Variants in CCDC178 observed in about 807,000 individuals in gnomAD.
CCDC178 encodes the protein coiled-coil domain containing 178.
CCDC178 carries 126 observed loss-of-function variants against 117.4 expected under a neutral mutation model. The ratio of observed to expected loss-of-function variants is 1.07; its 90% CI spans 0.93 to 1.24. The LOEUF (loss-of-function observed/expected upper bound fraction) is 1.24. CCDC178 is among the 50% of genes most tolerant of loss of function. The pLI is 0.00. For synonymous variants in CCDC178, 283 were observed against 313.4 expected (o/e 0.90, Z 1.02); for missense variants, 1,030 against 986.9 (o/e 1.04, Z -0.59).
At chr18:33,320,439 T>C (rs2062490211) in intron 11 of CCDC178, among the ~76,000 whole-genome samples, 1 of 152,256 alleles carries the variant, frequency 6.6e-6, no homozygotes, top group African/African-American at 2.4e-5. Flanking sequence ...AGCATTCTTA[T>C]ACACCAATAA....
At chr18:33,175,341 T>A (rs1237195181) in intron 20 of CCDC178, among the ~76,000 whole-genome samples, 2 of 152,188 alleles carry the variant, frequency 1.3e-5, no homozygotes, top group African/African-American at 2.4e-5. Context: ...CCTTTTAACA[T>A]TTTTTTCTAG....
intron 20 of CCDC178, among the ~76,000 whole-genome samples, chr18:33,184,830 A>G (rs2058771976): frequency 6.6e-6 from 1 of 152,072 alleles, no homozygotes. Context: ...CAAAATTTTA[A>G]AAAACTGACA....
intron 21 of CCDC178, among the ~76,000 whole-genome samples, chr18:33,079,368 C>G (rs2057262011): frequency 6.6e-6 from 1 of 152,130 alleles, no homozygotes; most frequent in Admixed American, 6.6e-5. Flanking sequence ...TAGGAACCAG[C>G]AAACACTTCA....
chr18:33,383,408 C>A (rs889180012), intron 5 of CCDC178, among the ~76,000 whole-genome samples: 3 of 152,006 alleles, frequency 2.0e-5, no homozygotes, highest in African/African-American at 7.2e-5. Context: ...GACCCCCATG[C>A]CTCCTGACTG....
At chr18:33,138,125 A>T (rs2058152001) in intron 20 of CCDC178, among the ~76,000 whole-genome samples, 1 of 152,228 alleles carries the variant, frequency 6.6e-6, no homozygotes, top group Non-Finnish European at 1.5e-5. Context: ...TACATCCACC[A>T]AACATTATTG....
At chr18:33,290,040 T>G (rs1159575951) in intron 12 of CCDC178, among the ~76,000 whole-genome samples, 2 of 151,904 alleles carry the variant, frequency 1.3e-5, no homozygotes, top group African/African-American at 4.8e-5. Flanking sequence ...TTAGGAAAAA[T>G]GAAAAAAGTA....
chr18:32,974,283 A>AG (rs1291684339), intron 22 of CCDC178, among the ~76,000 whole-genome samples: 1 of 152,202 alleles, frequency 6.6e-6, no homozygotes, highest in African/African-American at 2.4e-5. Flanking sequence ...AGATTTGAAA[A>AG]AAAATTATTT....
intron 20 of CCDC178, among the ~76,000 whole-genome samples, chr18:33,178,958 A>G (rs2058695085): frequency 6.7e-6 from 1 of 148,974 alleles, no homozygotes; most frequent in African/African-American, 2.5e-5. Context: ...CATCATAGTG[A>G]TAACAATTTT....
At chr18:33,111,197 CT>C (rs1274233138) in intron 20 of CCDC178, among the ~76,000 whole-genome samples, 1 of 151,340 alleles carries the variant, frequency 6.6e-6, no homozygotes, top group Non-Finnish European at 1.5e-5. Context: ...TTTCTAAATA[CT>C]TGTGGCTAGT....
intron 3 of CCDC178, among the ~76,000 whole-genome samples, chr18:33,400,096 ATTTT>A (rs34890018): frequency 7.3e-6 from 1 of 137,714 alleles, no homozygotes. Context: ...TTTTAAAGAA[ATTTT>A]TTTTTTTTTT....
At chr18:33,024,725 G>A (rs1182629563) in intron 21 of CCDC178, among the ~76,000 whole-genome samples, 2 of 151,532 alleles carry the variant, frequency 1.3e-5, no homozygotes, top group East Asian at 1.9e-4. Context: ...CTCACTGCAA[G>A]CTCCACCTCC....
At chr18:33,096,809 CA>C (rs2057549936) in intron 20 of CCDC178, among the ~76,000 whole-genome samples, 2 of 151,868 alleles carry the variant, frequency 1.3e-5, no homozygotes, top group Non-Finnish European at 2.9e-5. Flanking sequence ...AGCTTGATGA[CA>C]AAAATGAGAA....
Position 33,006,355 on chromosome 18 carries a change from A to C in CCDC178, c.2389-31674T>G, listed in dbSNP as rs187029617. Reference sequence around the variant, plus strand: ...AAATGCCTAATAAATGTTTGATGGCAATGTATGACAACAATTTTTGATTCC... The same window carrying C: ...AAATGCCTAATAAATGTTTGATGGCCATGTATGACAACAATTTTTGATTCC... On this transcript the variant is annotated intron_variant, in intron 21 of 22. Coordinates refer to ENST00000383096, the MANE Select transcript of CCDC178 (RefSeq NM_001105528.4). 1.4e-3 allele frequency among the ~76,000 whole-genome samples: 214 copies of C among 152,216 alleles called. No homozygotes were observed. The South Asian group carries it at 0.023, about 16-fold the overall frequency.
intron 21 of CCDC178, among the ~76,000 whole-genome samples, chr18:33,020,133 T>G (rs1393661143): frequency 6.9e-6 from 1 of 145,252 alleles, no homozygotes; most frequent in African/African-American, 2.6e-5. Flanking sequence ...TTTTTTTTTG[T>G]ATTTTTAGTA....
Position 33,328,082 on chromosome 18 carries a change from GATTTTTTT to G in CCDC178, c.880-4457_880-4450del, listed in dbSNP as rs1212686611. The G allele has an allele frequency of 1.8e-4, 46 of 249,128 alleles. 4 individuals are homozygous for G. Among genetic ancestry groups the G allele is most frequent in the African/African-American group, 1.2e-3 (38 of 30,468 alleles). 15.4% of individuals were successfully genotyped at this position (249,128 alleles called of 1,614,324 possible). On this transcript the variant is annotated intron_variant, in intron 10 of 22. Coordinates refer to ENST00000383096, the MANE Select transcript of CCDC178 (RefSeq NM_001105528.4). The stretch of plus-strand genomic sequence containing the variant: ...CCAAGGTCATAAAGATTTATCCCTA[GATTTTTTT>G]TTTTTTTTTTTTTTTTTTTTTTTTT...
intron 21 of CCDC178, among the ~76,000 whole-genome samples, chr18:33,011,876 T>TACGGTGG (rs1263761648): frequency 1.4e-5 from 2 of 146,152 alleles, no homozygotes; most frequent in Non-Finnish European, 3.0e-5. Context: ...AGATGATGGT[T>TACGGTGG]ACGGTGGGCT....
intron 21 of CCDC178, among the ~76,000 whole-genome samples, chr18:33,051,406 G>C (rs1345221531): frequency 6.6e-6 from 1 of 152,084 alleles, no homozygotes; most frequent in African/African-American, 2.4e-5. Flanking sequence ...TACTTCAAAG[G>C]CTCCTTCTCA....
rs71159804 is a variant in CCDC178 at position 33,179,078 on chromosome 18, A to AAAAAT, written c.2238+32817_2238+32818insATTTT. On this transcript the variant is annotated intron_variant, in intron 20 of 22. Coordinates refer to ENST00000383096, the MANE Select transcript of CCDC178 (RefSeq NM_001105528.4). ...ACTCAGTAAAAAAAAAAAAAAAAAA[A>AAAAAT]ATATATATATATATATATATATATA... Among the ~76,000 whole-genome samples the AAAAAT allele has an allele frequency of 1.2e-3, 69 of 55,818 alleles. 4 individuals are homozygous for AAAAAT. The highest frequency in any genetic ancestry group is 2.0e-3 in the African/African-American group (18 of 8,838). 36.6% of individuals were successfully genotyped at this position (55,818 alleles called of 152,430 possible). A position where few individuals can be genotyped will look rare whatever the true frequency, so the allele number is the denominator to read the frequency against.
intron 20 of CCDC178, among the ~76,000 whole-genome samples, chr18:33,152,221 G>A (rs1029996378): frequency 6.6e-6 from 1 of 152,000 alleles, no homozygotes; most frequent in Non-Finnish European, 1.5e-5. Context: ...GAAAATAAAG[G>A]CCTACAATTT....
Sources: gnomAD v4.1 joint callset for allele counts (sites outside exome capture counted in the v4.1 genomes callset) on GRCh38, gnomAD v4.1.1 for gene constraint, MANE v1.5 for transcripts, NCBI Gene and HGNC (gene_info 2026-07-23, HGNC 2026-07-21) for gene names.